Variants in SVIL observed in about 807,000 individuals in gnomAD.
SVIL encodes the protein archvillin.
Under a neutral mutation model 240.4 loss-of-function variants are expected in SVIL, and 101 were observed. That is an observed-to-expected ratio of 0.42 (90% CI 0.36 to 0.50). The LOEUF (loss-of-function observed/expected upper bound fraction) is 0.50, where lower values mean the gene tolerates loss of function less well. SVIL is among the 20% of genes least tolerant of loss of function. The probability of loss-of-function intolerance (pLI) is 0.01; values close to 1 mark genes in which losing one functional copy is unlikely to be tolerated. For missense variants in SVIL, 2,512 were observed against 2,818.7 expected (o/e 0.89, Z 2.46); for synonymous variants, 999 against 1,100.0 (o/e 0.91, Z 1.82).
At chr10:29,567,902 A>G (rs899582563) in intron 2 of SVIL, among the ~76,000 whole-genome samples, 8 of 151,984 alleles carry the variant, frequency 5.3e-5, no homozygotes, top group Non-Finnish European at 7.4e-5. Context: ...CTGTAGTCCC[A>G]GCCACTCGGG....
chr10:29,486,410 A>T lies in SVIL; in HGVS notation c.4633T>A (p.Ser1545Thr). The T allele has an allele frequency of 1.2e-6, 2 of 1,614,150 alleles. No homozygotes were observed. The highest frequency in any genetic ancestry group is 1.7e-6 in the Non-Finnish European group (2 of 1,180,036). The change falls in exon 25 of 38, where the codon TCT becomes ACT. Residue 1545 changes from serine to threonine, a missense_variant and splice_region_variant. Coordinates refer to ENST00000355867, the MANE Select transcript of SVIL (RefSeq NM_021738.3). ...KLLGGQTSYQ[S>T]AGDPKEDELY... ...TCTCTGAAGTACAATGAAGTCTTAC[A>T]TTGGTAACTGGTTTGGCCACCCAGA...
intron 10 of SVIL, among the ~76,000 whole-genome samples, chr10:29,530,948 TG>T (rs1564585024): frequency 6.6e-6 from 1 of 152,194 alleles, no homozygotes; most frequent in Non-Finnish European, 1.5e-5. Flanking sequence ...ATATATTTTA[TG>T]GGGGGAATTT....
At chr10:29,566,639 G>A (rs1289770611) in intron 2 of SVIL, among the ~76,000 whole-genome samples, 4 of 152,128 alleles carry the variant, frequency 2.6e-5, no homozygotes, top group Admixed American at 6.5e-5. Flanking sequence ...AATTCAGGAC[G>A]GTTCATCAGT....
intron 3 of SVIL, among the ~76,000 whole-genome samples, chr10:29,640,064 T>C (rs1393906905): frequency 6.6e-6 from 1 of 152,150 alleles, no homozygotes; most frequent in East Asian, 1.9e-4. Context: ...CCAAAGTCCC[T>C]TGGGCCCCAC....
chr10:29,552,612 T>C (rs4749455), intron 5 of SVIL, among the ~76,000 whole-genome samples: 45,000 of 149,708 alleles, frequency 0.3, 6,988 homozygotes, highest in African/African-American at 0.39. Context: ...ATTTTGAAGA[T>C]ATCATTTAAG....
chr10:29,605,949 C>A (rs575619598), intron 1 of SVIL, among the ~76,000 whole-genome samples: 2 of 151,814 alleles, frequency 1.3e-5, no homozygotes, highest in Admixed American at 6.6e-5. Context: ...CTTGCTCTGT[C>A]GCCCAGGCTG....
chr10:29,617,127 C>T (rs922741823), intron 1 of SVIL, among the ~76,000 whole-genome samples: 22 of 152,188 alleles, frequency 1.4e-4, no homozygotes, highest in Non-Finnish European at 4.4e-5. Context: ...TTCCCAGTTG[C>T]TTCCGCACAA....
At chr10:29,676,377 A>AGTGT (rs112042524) in intron 2 of SVIL, among the ~76,000 whole-genome samples, 68,163 of 151,248 alleles carry the variant, frequency 0.45, 15,335 homozygotes, top group Admixed American at 0.5. Flanking sequence ...GAAAAAAAAG[A>AGTGT]GTGTGTGTGT....
intron 1 of SVIL, among the ~76,000 whole-genome samples, chr10:29,707,482 T>C (rs982056806): frequency 4.6e-5 from 7 of 152,168 alleles, no homozygotes; most frequent in African/African-American, 1.7e-4. Context: ...TTTTTGCATA[T>C]TGATTTTGTA....
At chr10:29,689,670 C>A (rs575828480) in intron 1 of SVIL, among the ~76,000 whole-genome samples, 1 of 152,328 alleles carries the variant, frequency 6.6e-6, no homozygotes, top group East Asian at 1.9e-4. Flanking sequence ...TGACCCAAAT[C>A]CCTACAAATG....
rs190070812 is a variant in SVIL, at chr10:29,652,453, G to A, written c.-201+5516C>T. On this transcript the variant is annotated intron_variant, in intron 3 of 35. Coordinates refer to the SVIL transcript ENST00000375400. ...CATTTTATTTGTCTCTTCTTCAGTTGACAAACATTTGGGTTGTTTCCATTC... is the reference window on the plus strand; with the variant it reads ...CATTTTATTTGTCTCTTCTTCAGTTAACAAACATTTGGGTTGTTTCCATTC... 1.9e-3 allele frequency among the ~76,000 whole-genome samples: 287 copies of A among 152,194 alleles called. 1 individual carries two copies. The highest frequency in any genetic ancestry group is 6.5e-3 in the African/African-American group (269 of 41,524).
chr10:29,462,358 G>A lies in SVIL; in HGVS notation c.6321C>T (p.His2107=), dbSNP rs201435282. The change falls in exon 36 of 38, where the codon CAC becomes CAT. Residue 2107 remains histidine, a synonymous_variant. Coordinates refer to ENST00000355867, the MANE Select transcript of SVIL (RefSeq NM_021738.3). ...TGAATGTCAGGGGCTCCAGACCAGCGTGGATAAGGTAAGACTTGGGGGCTG... is the reference window on the plus strand; with the variant it reads ...TGAATGTCAGGGGCTCCAGACCAGCATGGATAAGGTAAGACTTGGGGGCTG... ...KKPAPKSYLI[H]AGLEPLTFTN... is the part of the protein sequence containing the mutation. The A allele has an allele frequency of 5.4e-5, 87 of 1,614,204 alleles. No individual in the cohort carries two copies. The highest frequency in any genetic ancestry group is 1.6e-4 in the Middle Eastern group (1 of 6,062).
intron 1 of SVIL, among the ~76,000 whole-genome samples, chr10:29,728,712 C>T (rs1291482379): frequency 6.6e-6 from 1 of 152,092 alleles, no homozygotes; most frequent in Non-Finnish European, 1.5e-5. Flanking sequence ...AAAAGGTGAG[C>T]TAGCAGCATG....
rs757427792 is a variant in SVIL at position 29,458,382 on chromosome 10, C to T, written c.6559-49G>A. 38 of 1,595,476 alleles carry T rather than the reference C, an allele frequency of 2.4e-5. 1 individual carries two copies. Among genetic ancestry groups the T allele is most frequent in the African/African-American group, 1.9e-4 (14 of 73,800 alleles). On this transcript the variant is annotated intron_variant, in intron 37 of 37. Coordinates refer to ENST00000355867, the MANE Select transcript of SVIL (RefSeq NM_021738.3). ...CCGCGGCTCAGTGAAAGGAGCCGGG[C>T]GTGCGTGTGTTGTTTTACTCCCATC...
intron 16 of SVIL, among the ~76,000 whole-genome samples, chr10:29,518,793 T>C (rs11007638): frequency 0.28 from 41,776 of 151,590 alleles, 6,064 homozygotes; most frequent in Non-Finnish European, 0.33. Context: ...GAGGCGGAGG[T>C]TGTAGTGAGC....
In SVIL at chr10:29,481,019, TG is replaced by T. The variant is rs765543706; in HGVS notation, c.5101-207del. On this transcript the variant is annotated intron_variant, in intron 28 of 37. Coordinates refer to ENST00000355867, the MANE Select transcript of SVIL (RefSeq NM_021738.3). ...GAACACCCATCGCCACAACAGCACATGGGTGCCTGAGAACAGGCACAAATCA... is the reference window on the plus strand; with the variant it reads ...GAACACCCATCGCCACAACAGCACATGGTGCCTGAGAACAGGCACAAATCA... Among the ~76,000 whole-genome samples, 7 of 152,132 alleles carry T rather than the reference TG, an allele frequency of 4.6e-5. No homozygotes were observed. The East Asian group carries it at 1.4e-3, about 29-fold the overall frequency.
chr10:29,512,402 A>T (rs1949902474), intron 17 of SVIL, among the ~76,000 whole-genome samples: 1 of 152,170 alleles, frequency 6.6e-6, no homozygotes, highest in Admixed American at 6.5e-5. Flanking sequence ...GGTGAATTCA[A>T]TTTTTTTCAT....
intron 2 of SVIL, among the ~76,000 whole-genome samples, chr10:29,661,929 G>A (rs1345298412): frequency 6.6e-6 from 1 of 152,024 alleles, no homozygotes; most frequent in Non-Finnish European, 1.5e-5. Context: ...CTCCCAAAGG[G>A]CTGAGGTTAC....
At chr10:29,592,896 G>T (rs1427739208) in intron 1 of SVIL, among the ~76,000 whole-genome samples, 1 of 152,120 alleles carries the variant, frequency 6.6e-6, no homozygotes, top group Non-Finnish European at 1.5e-5. Context: ...TAGCAAAAGG[G>T]TGGTGGAAAT....
Sources: gnomAD v4.1 joint callset for allele counts (sites outside exome capture counted in the v4.1 genomes callset) on GRCh38, gnomAD v4.1.1 for gene constraint, MANE v1.5 for transcripts, NCBI Gene and HGNC (gene_info 2026-07-23, HGNC 2026-07-21) for gene names.